The following SGSM3 variants were observed in gnomAD, a reference collection of about 807,000 sequenced individuals.
SGSM3 encodes the protein RUN and SH3 containing 3.
In SGSM3, 96 loss-of-function variants were observed where a neutral mutation model predicts 100.5. The ratio of observed to expected loss-of-function variants is 0.96; its 90% CI spans 0.81 to 1.13. The LOEUF is 1.13. SGSM3 is among the 50% of genes most tolerant of loss of function. The pLI is 0.00. For synonymous variants in SGSM3, 483 were observed against 422.8 expected, an observed-to-expected ratio of 1.14 and a Z score of -1.75; for missense variants, 1,001 against 1,015.8, an observed-to-expected ratio of 0.99 and a Z score of 0.20.
rs1174436398 is a variant in SGSM3 at position 40,409,663 on chromosome 22, G to A, written c.2173-19G>A. On this transcript the variant is annotated intron_variant, in intron 21 of 21. Coordinates refer to ENST00000248929, the MANE Select transcript of SGSM3 (RefSeq NM_015705.6). ...GCCATGCCCAAGGCCTGTGAGGTGA[G>A]GGGCTGCCCTGTTTGCAGGCGCAGC... 6.2e-7 allele frequency: 1 copy of A among 1,613,058 alleles called. No individual in the cohort carries two copies. The highest frequency in any genetic ancestry group is 8.5e-7 in the Non-Finnish European group (1 of 1,179,604).
Position 40,409,350 on chromosome 22 carries a change from G to A in SGSM3, c.2089G>A (p.Val697Ile). 3.1e-6 allele frequency: 5 copies of A among 1,609,908 alleles called. No individual in the cohort carries two copies. The highest frequency in any genetic ancestry group is 3.4e-6 in the Non-Finnish European group (4 of 1,177,688). Residue 697 changes from valine (V) to isoleucine (I), a missense_variant, in exon 20 of 22, where the codon GTC (valine) becomes ATC (isoleucine). Val to Ile is a conservative substitution (Grantham distance 29). Transcript: ENST00000248929. Reference sequence around the variant, plus strand: ...GTCCTTCCTGCGCAGCCCGGGCTGGGTCCAGATCAAGTGTGAGCTCCGGTG... The same window carrying A: ...GTCCTTCCTGCGCAGCCCGGGCTGGATCCAGATCAAGTGTGAGCTCCGGTG... ...PWSFLRSPGW[V>I]QIKCELRVLC... is the part of the protein sequence containing the mutation.
chr22:40,405,926 C>T (rs1259587604), intron 8 of SGSM3, 82 bp downstream of exon 8: 19 of 1,488,776 alleles, frequency 1.3e-5, no homozygotes, highest in Non-Finnish European at 1.7e-5. Context: ...AGGGCACAGC[C>T]CCCCAACCAT....
In SGSM3 at chr22:40,408,275, A is replaced by T. The variant is rs137863194; in HGVS notation, c.1630-2A>T. The T allele has an allele frequency of 1.9e-5, 31 of 1,613,246 alleles. No individual in the cohort carries two copies. Among genetic ancestry groups the T allele is most frequent in the Non-Finnish European group, 2.5e-5 (29 of 1,179,918 alleles). On this transcript the variant is annotated splice_acceptor_variant, in intron 15 of 21. Transcript: ENST00000248929. LOFTEE classifies it high-confidence loss of function. ...CTTTCTCAGACCCATCCCTCCCATC[A>T]GTACTCCATCGCGGGGGATGACTCG... is the stretch of plus-strand genomic sequence containing the variant.
chr22:40,407,885 G>A lies in SGSM3; in HGVS notation c.1579+42G>A, dbSNP rs763174773. On this transcript the variant is annotated intron_variant, in intron 14 of 21. Coordinates refer to ENST00000248929, the MANE Select transcript of SGSM3 (RefSeq NM_015705.6). This position sits in a 1 kb window ranked among gnomAD's most constrained non-coding sequence, Gnocchi z 4.7. Reference sequence around the variant, plus strand: ...GCTCTTGAGCTGGGAGAGGGAGGAGGGGGTGGGCACAGAAGACTTGGGTGA... The same window carrying A: ...GCTCTTGAGCTGGGAGAGGGAGGAGAGGGTGGGCACAGAAGACTTGGGTGA... The A allele has an allele frequency of 1.3e-6, 2 of 1,575,190 alleles. No homozygotes were observed. Among genetic ancestry groups the A allele is most frequent in the East Asian group, 2.2e-5 (1 of 44,566 alleles).
intron 1 of SGSM3, among the ~76,000 whole-genome samples, chr22:40,373,928 AT>A (rs2046061389): frequency 6.8e-6 from 1 of 147,996 alleles, no homozygotes; most frequent in African/African-American, 2.5e-5. Context: ...AGGGTGGTTT[AT>A]TTATTTTTAT....
At chr22:40,380,301 T>G (rs1191254459) in intron 1 of SGSM3, among the ~76,000 whole-genome samples, 4 of 152,154 alleles carry the variant, frequency 2.6e-5, no homozygotes, top group Non-Finnish European at 5.9e-5. Flanking sequence ...ATTCTGGCAT[T>G]TATTTCTTTA....
intron 1 of SGSM3, among the ~76,000 whole-genome samples, chr22:40,392,992 ATGT>A (rs1028573495): frequency 1.2e-4 from 19 of 152,226 alleles, no homozygotes; most frequent in Non-Finnish European, 2.1e-4. Context: ...AGGTTCATTC[ATGT>A]TGTAGCACAT....
intron 1 of SGSM3, among the ~76,000 whole-genome samples, chr22:40,395,498 T>C (rs1450465970): frequency 6.6e-6 from 1 of 152,070 alleles, no homozygotes; most frequent in African/African-American, 2.4e-5. Flanking sequence ...ATTTTTGTAA[T>C]TTTAGTGGAG....
At chr22:40,408,727 T>C in intron 17 of SGSM3, 30 bp downstream of exon 17, 1 of 1,613,504 alleles carries the variant, frequency 6.2e-7, no homozygotes, top group Middle Eastern at 1.7e-4. Flanking sequence ...TCTGGTGGGG[T>C]CACCAGCAGT....
At chr22:40,389,600 GA>G (rs71326802) in intron 1 of SGSM3, among the ~76,000 whole-genome samples, 237 of 33,642 alleles carry the variant, frequency 7.0e-3, no homozygotes, top group African/African-American at 0.025. Flanking sequence ...CTCCGTCTCA[GA>G]AAAAAAAAAA....
chr22:40,407,035 C>T lies in SGSM3; in HGVS notation c.1204C>T (p.Gln402Ter). The T allele has an allele frequency of 8.8e-6, 14 of 1,583,454 alleles. No individual in the cohort carries two copies. Among genetic ancestry groups the T allele is most frequent in the Non-Finnish European group, 1.2e-5 (14 of 1,164,630 alleles). The change falls in exon 11 of 22, where the codon CAG becomes TAG. Residue 402 changes from glutamine (Q) to a stop codon, truncating the protein, a stop_gained. Transcript: ENST00000248929. LOFTEE classifies it high-confidence loss of function. The surrounding 1 kb of genome is among the most constrained non-coding windows in gnomAD (Gnocchi z 4.7). ...GGTGCAGGTTGTTCGCCGCAGGACC[C>T]AGCGGAGGAAGTCCACCATCACTGC... ...NLSQVVRRRT[Q>*]RRKSTITALL... is the part of the protein sequence containing the mutation.
intron 1 of SGSM3, among the ~76,000 whole-genome samples, chr22:40,376,109 G>GTGTT (rs1176249446): frequency 7.2e-6 from 1 of 139,858 alleles, no homozygotes; most frequent in African/African-American, 2.6e-5. Flanking sequence ...TCCCTCTCTT[G>GTGTT]TGTTTGAGTT....
rs201707139 is a variant in SGSM3 at position 40,409,644 on chromosome 22, C to T, written c.2173-38C>T. 1.0e-4 allele frequency: 166 copies of T among 1,613,200 alleles called. No individual in the cohort carries two copies. The African/African-American group carries it at 1.2e-3, about 12-fold the overall frequency. On this transcript the variant is annotated intron_variant, in intron 21 of 21. Transcript: ENST00000248929. ...GCGGTTAGGAACTACCCCAGCCATG[C>T]CCAAGGCCTGTGAGGTGAGGGGCTG...
At chr22:40,375,175 T>C (rs930387007) in intron 1 of SGSM3, among the ~76,000 whole-genome samples, 4 of 152,264 alleles carry the variant, frequency 2.6e-5, no homozygotes, top group Non-Finnish European at 5.9e-5. Flanking sequence ...CTAAGTGTGA[T>C]ACATGTTTTG....
intron 4 of SGSM3, among the ~76,000 whole-genome samples, chr22:40,403,215 G>A (rs1019707702): frequency 1.8e-4 from 27 of 152,326 alleles, no homozygotes; most frequent in African/African-American, 6.5e-4. Flanking sequence ...GCATTTTACT[G>A]TAGGTAAAGT....
chr22:40,400,604 C>T, intron 1 of SGSM3, 92 bp from the exon 2 acceptor site: 1 of 481,492 alleles, frequency 2.1e-6, no homozygotes, highest in Non-Finnish European at 3.7e-6. Context: ...GATTGCACCA[C>T]TGCACTCCAG....
chr22:40,409,648 A>C, intron 21 of SGSM3, 34 bp from the exon 22 acceptor site: 2 of 1,613,042 alleles, frequency 1.2e-6, no homozygotes, highest in Non-Finnish European at 1.7e-6. Flanking sequence ...GCCATGCCCA[A>C]GGCCTGTGAG....
intron 1 of SGSM3, among the ~76,000 whole-genome samples, chr22:40,389,986 CTT>C (rs2064884258): frequency 6.6e-6 from 1 of 151,182 alleles, no homozygotes; most frequent in South Asian, 2.1e-4. Flanking sequence ...TAGATTGACT[CTT>C]TAGACCCAGC....
chr22:40,405,948 C>T (rs2051433636), intron 8 of SGSM3, 104 bp downstream of exon 8: 2 of 1,475,578 alleles, frequency 1.4e-6, no homozygotes, highest in African/African-American at 2.8e-5. Flanking sequence ...GTCTTTGTCG[C>T]TCTTTTGTTC....
Sources: allele counts gnomAD v4.1 joint callset (sites outside exome capture counted in the v4.1 genomes callset), GRCh38; gene constraint gnomAD v4.1.1; non-coding constraint Gnocchi (gnomAD v3.1); transcripts MANE v1.5; gene names NCBI Gene and HGNC (gene_info 2026-07-23, HGNC 2026-07-21).